Variants in LRP1B observed in about 807,000 individuals in gnomAD.
The protein encoded by LRP1B is LDL receptor related protein 1B, also known as low-density lipoprotein receptor-related protein 1B.
Under a neutral mutation model 556.6 loss-of-function variants are expected in LRP1B, and 217 were observed. That is an observed-to-expected ratio of 0.39 (90% confidence interval 0.35 to 0.44). The LOEUF (loss-of-function observed/expected upper bound fraction) is 0.44. LRP1B is among the 20% of genes least tolerant of loss of function. The probability of loss-of-function intolerance (pLI) is 1.00; values close to 1 mark genes in which losing one functional copy is unlikely to be tolerated. For synonymous variants in LRP1B, 2,047 were observed against 1,865.8 expected, an observed-to-expected ratio of 1.10 and a Z score of -2.50; for missense variants, 5,053 against 5,620.8, an observed-to-expected ratio of 0.90 and a Z score of 3.23.
chr2:141,582,230 C>T (rs540473813), intron 2 of LRP1B, among the ~76,000 whole-genome samples: 1 of 152,292 alleles, frequency 6.6e-6, no homozygotes, highest in South Asian at 2.1e-4. Flanking sequence ...TGTTCCACGC[C>T]TCAGTGTACT....
chr2:140,563,188 A>C (rs563895530), intron 43 of LRP1B, among the ~76,000 whole-genome samples: 137 of 151,996 alleles, frequency 9.0e-4, no homozygotes, highest in African/African-American at 3.1e-3. Flanking sequence ...ACACACACAC[A>C]CCCACACACA....
chr2:140,858,935 T>C (rs1331754231), intron 27 of LRP1B, among the ~76,000 whole-genome samples: 3 of 152,216 alleles, frequency 2.0e-5, no homozygotes, highest in Non-Finnish European at 4.4e-5. Context: ...TATGGCTGCA[T>C]AGTATTCCAT....
chr2:141,004,556 T>C (rs532745058), intron 15 of LRP1B, among the ~76,000 whole-genome samples: 1 of 152,180 alleles, frequency 6.6e-6, no homozygotes, highest in South Asian at 2.1e-4. Flanking sequence ...CCTGCAGATC[T>C]TAAGACTCAT....
chr2:141,171,463 T>C (rs1239032025), intron 7 of LRP1B, among the ~76,000 whole-genome samples: 4 of 152,144 alleles, frequency 2.6e-5, no homozygotes, highest in African/African-American at 9.6e-5. Context: ...ATTCTATGTG[T>C]CATTTCTATT....
rs1262918550 is a variant in LRP1B at position 140,913,161 on chromosome 2, C to G, written c.3320-5084G>C. Among the ~76,000 whole-genome samples the G allele has an allele frequency of 2.0e-5, 3 of 151,654 alleles. No individual in the cohort carries two copies. In the East Asian group the frequency reaches 5.8e-4, roughly 29 times the overall value. The stretch of plus-strand genomic sequence containing the variant: ...TTATACTACTAACCTTTAGTGTTAC[C>G]TACATATTTATTTCTCTAACAGTGT... On this transcript the variant is annotated intron_variant, in intron 21 of 90. Transcript: ENST00000389484.
At position 141,696,511 on chromosome 2, in the gene LRP1B, G is replaced by A. The variant is rs183869729; in HGVS notation, c.205+113768C>T. Among the ~76,000 whole-genome samples, 465 of 151,846 alleles carry A rather than the reference G, an allele frequency of 3.1e-3. 4 individuals are homozygous for A. Among genetic ancestry groups the A allele is most frequent in the African/African-American group, 0.01 (430 of 41,462 alleles). On this transcript the variant is annotated intron_variant, in intron 2 of 90. Coordinates refer to ENST00000389484, the MANE Select transcript of LRP1B (RefSeq NM_018557.3). ...TCCACATTATTAATTCTGGTTTACC[G>A]TTCTGGACAATTTAAATTATTAACA...
chr2:140,417,948 G>T (rs1203764424), intron 66 of LRP1B, among the ~76,000 whole-genome samples: 1 of 152,152 alleles, frequency 6.6e-6, no homozygotes, highest in Non-Finnish European at 1.5e-5. Flanking sequence ...AAGTAAGATG[G>T]GTTTCTAAAG....
intron 35 of LRP1B, among the ~76,000 whole-genome samples, chr2:140,735,132 G>T (rs944660542): frequency 6.6e-5 from 10 of 152,188 alleles, no homozygotes; most frequent in Non-Finnish European, 1.3e-4. Flanking sequence ...AAGAGGACAC[G>T]GTTCTGAGTA....
At chr2:141,345,265 A>G (rs1217973628) in intron 3 of LRP1B, among the ~76,000 whole-genome samples, 1 of 152,116 alleles carries the variant, frequency 6.6e-6, no homozygotes, top group African/African-American at 2.4e-5. Context: ...AATGAGATAC[A>G]TTTCAGAAAT....
intron 3 of LRP1B, among the ~76,000 whole-genome samples, chr2:141,377,710 T>C (rs1689489518): frequency 6.6e-6 from 1 of 151,862 alleles, no homozygotes; most frequent in Non-Finnish European, 1.5e-5. Context: ...TCTTTAATTA[T>C]TATATATAGA....
intron 18 of LRP1B, among the ~76,000 whole-genome samples, chr2:140,960,261 A>T (rs571475808): frequency 6.6e-6 from 1 of 151,948 alleles, no homozygotes; most frequent in African/African-American, 2.4e-5. Context: ...CTTTGATAAT[A>T]CCCAAAATAG....
chr2:141,260,988 G>A (rs569041880), intron 3 of LRP1B, among the ~76,000 whole-genome samples: 17 of 152,096 alleles, frequency 1.1e-4, no homozygotes, highest in African/African-American at 4.1e-4. Context: ...TTCCCTATGT[G>A]GCACATTAAA....
chr2:141,858,121 G>T (rs1450188450), intron 1 of LRP1B, among the ~76,000 whole-genome samples: 1 of 151,660 alleles, frequency 6.6e-6, no homozygotes, highest in Non-Finnish European at 1.5e-5. Flanking sequence ...TTGTATTTAG[G>T]ATCTTCAGGA....
chr2:141,394,583 T>C (rs1306325296), intron 3 of LRP1B, among the ~76,000 whole-genome samples: 1 of 152,122 alleles, frequency 6.6e-6, no homozygotes, highest in African/African-American at 2.4e-5. Context: ...TGCAATAGTA[T>C]GGTCATTAGA....
At chr2:141,888,757 G>A (rs1243614427) in intron 1 of LRP1B, among the ~76,000 whole-genome samples, 2 of 152,158 alleles carry the variant, frequency 1.3e-5, no homozygotes, top group East Asian at 3.9e-4. Context: ...GAATGACAGT[G>A]CTCGGGAAGT....
chr2:140,846,666 T>C (rs1692283006), intron 29 of LRP1B, among the ~76,000 whole-genome samples: 1 of 152,084 alleles, frequency 6.6e-6, no homozygotes, highest in Non-Finnish European at 1.5e-5. Context: ...CCCCACATTA[T>C]ATTTAGACTA....
At chr2:140,326,182 C>T (rs1680465859) in intron 79 of LRP1B, among the ~76,000 whole-genome samples, 1 of 152,030 alleles carries the variant, frequency 6.6e-6, no homozygotes, top group Non-Finnish European at 1.5e-5. Context: ...TTTAGCTATT[C>T]TCTAATAGAC....
At position 141,013,572 on chromosome 2, in the gene LRP1B, A is replaced by G. The variant is rs769881837; in HGVS notation, c.2364T>C (p.Asp788=). The change falls in exon 14 of 91, where the codon GAT becomes GAC. Residue 788 remains aspartate (D), a synonymous_variant. Transcript: ENST00000389484. The part of the protein sequence containing the change: ...RPPLFGLQIY[D]PRKQQGDNMC... ...TTTTAATACCTTGTTGCTTTCGTGG[A>G]TCATAAATCTGAAGCCCAAATAGGG... The G allele has an allele frequency of 1.9e-6, 3 of 1,608,120 alleles. No individual in the cohort carries two copies. Among genetic ancestry groups the G allele is most frequent in the Non-Finnish European group, 2.5e-6 (3 of 1,177,688 alleles).
At chr2:141,074,587 CTCTA>C (rs1208981655) in intron 7 of LRP1B, among the ~76,000 whole-genome samples, 475 of 85,692 alleles carry the variant, frequency 5.5e-3, no homozygotes, top group African/African-American at 0.018. Flanking sequence ...CTCTCTCTCT[CTCTA>C]TATATATATA....
Sources: allele counts gnomAD v4.1 joint callset (sites outside exome capture counted in the v4.1 genomes callset), GRCh38; gene constraint gnomAD v4.1.1; transcripts MANE v1.5; gene names NCBI Gene and HGNC (gene_info 2026-07-23, HGNC 2026-07-21).